Variants in GLDN observed in about 807,000 individuals in gnomAD.
The protein encoded by GLDN is collomin.
In GLDN, 47 loss-of-function variants were observed where a neutral mutation model predicts 56.5. The observed-to-expected ratio is 0.83, with a 90% CI of 0.66 to 1.06. The LOEUF is 1.06. Ranked by LOEUF, GLDN falls within the 50% of genes least tolerant of loss-of-function variation. The pLI is 0.00. For synonymous variants in GLDN, 332 were observed against 278.8 expected (o/e 1.19, Z -1.90); for missense variants, 782 against 714.3 (o/e 1.09, Z -1.08).
chr15:51,401,772 C>A (rs752833025), intron 9 of GLDN, 29 bp downstream of exon 9: 1 of 1,603,044 alleles, frequency 6.2e-7, no homozygotes, highest in South Asian at 1.1e-5. Flanking sequence ...CCTTCTCACG[C>A]CTCTCAGGCA....
At chr15:51,355,814 C>A (rs1384904981) in intron 1 of GLDN, among the ~76,000 whole-genome samples, 1 of 150,800 alleles carries the variant, frequency 6.6e-6, no homozygotes, top group East Asian at 2.0e-4. Flanking sequence ...TGAGCCACCA[C>A]ACCCGGCCCT....
chr15:51,366,039 T>C (rs2037393880), intron 1 of GLDN, among the ~76,000 whole-genome samples: 1 of 152,210 alleles, frequency 6.6e-6, no homozygotes, highest in Admixed American at 6.5e-5. Context: ...AGGGCAAGGA[T>C]GTGAGATTAG....
chr15:51,397,618 G>C lies in GLDN; in HGVS notation c.817+20G>C. ...GCCCAGGTCACCACCTCTCCCCTAC[G>C]GGGCCCACCTCTTCTGTCAATTATT... On this transcript the variant is annotated intron_variant, in intron 6 of 9. Transcript: ENST00000335449. 2 of 1,543,870 alleles carry C rather than the reference G, an allele frequency of 1.3e-6. No individual in the cohort carries two copies. The highest frequency in any genetic ancestry group is 1.7e-4 in the Middle Eastern group (1 of 5,776).
intron 2 of GLDN, among the ~76,000 whole-genome samples, chr15:51,378,578 C>T (rs182045371): frequency 3.3e-5 from 5 of 152,132 alleles, no homozygotes; most frequent in East Asian, 3.9e-4. Flanking sequence ...ATGCATGGGA[C>T]GGAGCTATTG....
intron 1 of GLDN, among the ~76,000 whole-genome samples, chr15:51,361,594 T>C (rs1257173219): frequency 6.6e-6 from 1 of 152,188 alleles, no homozygotes; most frequent in African/African-American, 2.4e-5. Flanking sequence ...ATTCAATATG[T>C]AGTCACTGAG....
In GLDN at chr15:51,394,755, G is replaced by A; in HGVS notation, c.542-80G>A. The A allele has an allele frequency of 4.8e-6, 7 of 1,471,134 alleles. 1 individual carries two copies. The highest frequency in any genetic ancestry group is 3.6e-5 in the South Asian group (3 of 82,982). The allele number at this position is 1,471,134 out of a possible 1,614,324, so 91.1% of individuals were successfully genotyped here. A position where few individuals can be genotyped will look rare whatever the true frequency, so the allele number is the denominator to read the frequency against. On this transcript the variant is annotated intron_variant, in intron 4 of 9. Transcript: ENST00000335449. Reference sequence around the variant, plus strand: ...GTATATAAAACTGCTTCCCTGGAAAGCACAAAGCACAGTAATATAAAGTGG... The same window carrying A: ...GTATATAAAACTGCTTCCCTGGAAAACACAAAGCACAGTAATATAAAGTGG...
Position 51,404,415 on chromosome 15 carries a change from G to A in GLDN, c.1317G>A (p.Ala439=), listed in dbSNP as rs149359078. The change falls in exon 10 of 10, where the codon GCG becomes GCA. Residue 439 remains alanine (A), a synonymous_variant. Transcript: ENST00000335449. The part of the protein sequence containing the change: ...VDEKGLWIIY[A]SSVDGSSILV... Reference sequence around the variant, plus strand: ...AAAAGGGCCTTTGGATTATCTATGCGTCAAGTGTGGACGGCTCGAGCATTC... The same window carrying A: ...AAAAGGGCCTTTGGATTATCTATGCATCAAGTGTGGACGGCTCGAGCATTC... The A allele has an allele frequency of 1.8e-4, 294 of 1,614,150 alleles. 2 individuals carry two copies. In the South Asian group the frequency reaches 2.5e-3, roughly 14 times the overall value.
chr15:51,402,462 T>C (rs992304796), intron 9 of GLDN, among the ~76,000 whole-genome samples: 1 of 152,208 alleles, frequency 6.6e-6, no homozygotes, highest in Non-Finnish European at 1.5e-5. Context: ...CTCTTGTGCC[T>C]CCTCTATGGC....
intron 3 of GLDN, 82 bp from the exon 4 acceptor site, chr15:51,383,703 G>T: frequency 8.9e-7 from 1 of 1,126,726 alleles, no homozygotes; most frequent in Non-Finnish European, 1.3e-6. Flanking sequence ...CAGTTTCACT[G>T]GTAAAGGAAA....
In GLDN at chr15:51,401,642, T is replaced by A; in HGVS notation, c.1077T>A (p.Ser359Arg). The A allele has an allele frequency of 6.2e-7, 1 of 1,614,154 alleles. No individual in the cohort carries two copies. The highest frequency in any genetic ancestry group is 1.1e-5 in the South Asian group (1 of 91,082). ...ATCAGCCCTCACTTCTGAATGGCAG[T>A]TACACGTTCATCCACCTTCCATACT... ...FKDQPSLLNG[S>R]YTFIHLPYYF... The change falls in exon 9 of 10, where the codon AGT becomes AGA. Residue 359 changes from serine to arginine, a missense_variant. Transcript: ENST00000335449.
chr15:51,342,310 G>A (rs960369750), intron 1 of GLDN, among the ~76,000 whole-genome samples: 13 of 152,210 alleles, frequency 8.5e-5, no homozygotes, highest in Admixed American at 5.2e-4. Flanking sequence ...GTAAACGAAG[G>A]GCGAAGGCAG....
chr15:51,404,842 G>T lies in GLDN; in HGVS notation c.*88G>T. ...CAGGAAACTTGTTTTTTTAACGTCA[G>T]CCAGATATTTAGAAAATAACCTCAA... On this transcript the variant is annotated 3_prime_UTR_variant, in exon 10 of 10. Transcript: ENST00000335449. 1.4e-6 allele frequency: 1 copy of T among 710,060 alleles called. No homozygotes were observed. The allele number at this position is 710,060 out of a possible 1,614,324, so 44.0% of individuals were successfully genotyped here. A position where few individuals can be genotyped will look rare whatever the true frequency, so the allele number is the denominator to read the frequency against.
chr15:51,365,377 C>A (rs1249682191), intron 1 of GLDN, among the ~76,000 whole-genome samples: 1 of 151,940 alleles, frequency 6.6e-6, no homozygotes, highest in East Asian at 1.9e-4. Context: ...GTGTATAATA[C>A]ACGTTTCCAT....
chr15:51,383,813 A>C lies in GLDN; in HGVS notation c.462A>C (p.Gly154=). ...PGPPGAGGLP[G]HNGLDGQPGP... Reference sequence around the variant, plus strand: ...CTCCGGGAGCCGGCGGGTTGCCAGGACACAACGGATTGGATGGACAGCCTG... The same window carrying C: ...CTCCGGGAGCCGGCGGGTTGCCAGGCCACAACGGATTGGATGGACAGCCTG... The change falls in exon 4 of 10, where the codon GGA becomes GGC. Residue 154 remains glycine (G), a synonymous_variant. Transcript: ENST00000335449. 1 of 1,613,066 alleles carries C rather than the reference A, an allele frequency of 6.2e-7. No homozygotes were observed. The highest frequency in any genetic ancestry group is 8.5e-7 in the Non-Finnish European group (1 of 1,179,856).
At chr15:51,373,029 T>A (rs1459786916) in intron 1 of GLDN, among the ~76,000 whole-genome samples, 1 of 152,166 alleles carries the variant, frequency 6.6e-6, no homozygotes, top group Non-Finnish European at 1.5e-5. Flanking sequence ...CAGACCTAAA[T>A]GTCCTCCTTT....
chr15:51,395,900 G>A (rs762617717), intron 5 of GLDN, among the ~76,000 whole-genome samples: 8 of 152,092 alleles, frequency 5.3e-5, no homozygotes, highest in African/African-American at 1.2e-4. Context: ...ATCACATGGC[G>A]AGAGTAGGAG....
chr15:51,400,105 G>A (rs143051733), intron 6 of GLDN, 87 bp from the exon 7 acceptor site: 92 of 1,106,588 alleles, frequency 8.3e-5, no homozygotes, highest in Non-Finnish European at 1.2e-4. Flanking sequence ...AGTCTGGAAT[G>A]AGGTGGGGAA....
intron 4 of GLDN, among the ~76,000 whole-genome samples, chr15:51,387,931 A>G (rs1034182939): frequency 3.3e-5 from 5 of 152,026 alleles, no homozygotes; most frequent in African/African-American, 1.2e-4. Context: ...TGTTAGCCAT[A>G]TTTTTTCCAG....
At chr15:51,394,350 C>A (rs2038079459) in intron 4 of GLDN, among the ~76,000 whole-genome samples, 2 of 152,178 alleles carry the variant, frequency 1.3e-5, no homozygotes, top group South Asian at 4.1e-4. Flanking sequence ...CAGTGGCTCA[C>A]ACCTGTAATT....
Sources: allele counts gnomAD v4.1 joint callset (sites outside exome capture counted in the v4.1 genomes callset), GRCh38; gene constraint gnomAD v4.1.1; transcripts MANE v1.5; gene names NCBI Gene and HGNC (gene_info 2026-07-23, HGNC 2026-07-21).